Variants in NAALADL2 observed in about 807,000 individuals in gnomAD.
The protein encoded by NAALADL2 is N-acetylated alpha-linked acidic dipeptidase like 2.
NAALADL2 carries 76 observed loss-of-function variants against 87.2 expected under a neutral mutation model. That is an observed-to-expected ratio of 0.87 (90% CI 0.72 to 1.05). NAALADL2 has a LOEUF of 1.05. Ranked by LOEUF, NAALADL2 falls within the 50% of genes least tolerant of loss-of-function variation. The probability of loss-of-function intolerance (pLI) is 0.00; values close to 1 mark genes in which losing one functional copy is unlikely to be tolerated. For synonymous variants in NAALADL2, 354 were observed against 331.0 expected (o/e 1.07, Z -0.75); for missense variants, 1,089 against 945.8 (o/e 1.15, Z -1.99).
intron 3 of NAALADL2, among the ~76,000 whole-genome samples, chr3:174,841,107 T>C (rs1723981221): frequency 6.6e-6 from 1 of 151,928 alleles, no homozygotes; most frequent in African/African-American, 2.4e-5. Context: ...TAAAAAGTAA[T>C]AACAAATCAA....
rs142124283 is a variant in NAALADL2 at position 174,933,763 on chromosome 3, C to A, written c.43+74313C>A. 2.0e-5 allele frequency among the ~76,000 whole-genome samples: 3 copies of A among 152,248 alleles called. No homozygotes were observed. In the East Asian group the frequency reaches 5.8e-4, roughly 29 times the overall value. ...TCGTTTTTAAAGGAAAAGGAACTCC[C>A]AAATTTTATAAACATGTTTGCTCTC... On this transcript the variant is annotated intron_variant, in intron 1 of 13. Coordinates refer to ENST00000454872, the MANE Select transcript of NAALADL2 (RefSeq NM_207015.3).
chr3:174,700,099 A>C (rs1337426397), intron 2 of NAALADL2, among the ~76,000 whole-genome samples: 1 of 146,048 alleles, frequency 6.8e-6, no homozygotes, highest in Non-Finnish European at 1.5e-5. Flanking sequence ...TTATTCTGAA[A>C]GCATTGATCT....
intron 3 of NAALADL2, among the ~76,000 whole-genome samples, chr3:174,809,149 C>G (rs556033435): frequency 6.6e-6 from 1 of 151,900 alleles, no homozygotes; most frequent in East Asian, 1.9e-4. Flanking sequence ...ACTGGGGAAA[C>G]CTTTATTGTA....
At chr3:175,597,960 T>C (rs1722462339) in intron 10 of NAALADL2, among the ~76,000 whole-genome samples, 1 of 152,040 alleles carries the variant, frequency 6.6e-6, no homozygotes, top group South Asian at 2.1e-4. Context: ...ATCTCTATTC[T>C]CTCCCTACAT....
intron 3 of NAALADL2, among the ~76,000 whole-genome samples, chr3:174,805,004 C>T (rs1040406221): frequency 2.6e-5 from 4 of 151,716 alleles, no homozygotes; most frequent in Non-Finnish European, 5.9e-5. Flanking sequence ...TCCTTTTTTT[C>T]CTTTTAAAAT....
chr3:175,138,712 T>G (rs114470524), intron 2 of NAALADL2, among the ~76,000 whole-genome samples: 1 of 148,938 alleles, frequency 6.7e-6, no homozygotes, highest in Admixed American at 6.7e-5. Context: ...TCCTCCCGAA[T>G]AGCTGAGACT....
chr3:174,557,583 GT>G (rs1713001998), intron 2 of NAALADL2, among the ~76,000 whole-genome samples: 1 of 152,044 alleles, frequency 6.6e-6, no homozygotes, highest in African/African-American at 2.4e-5. Context: ...TATGCAACTA[GT>G]TTTTCTTGTT....
chr3:174,828,588 G>A (rs16864898), intron 3 of NAALADL2, among the ~76,000 whole-genome samples: 27,579 of 152,090 alleles, frequency 0.18, 2,794 homozygotes, highest in East Asian at 0.44. Flanking sequence ...ACAAAAACAC[G>A]AGTAAGCCAA....
intron 5 of NAALADL2, among the ~76,000 whole-genome samples, chr3:175,328,666 A>G (rs1184896969): frequency 6.6e-6 from 1 of 152,196 alleles, no homozygotes; most frequent in Non-Finnish European, 1.5e-5. Flanking sequence ...TTGAAGCACA[A>G]GAACCCTGCA....
intron 2 of NAALADL2, among the ~76,000 whole-genome samples, chr3:175,160,360 C>CTTTTTTTTTCTT (rs1732977404): frequency 1.8e-5 from 1 of 57,036 alleles, no homozygotes; most frequent in Non-Finnish European, 3.7e-5. Context: ...TCTTTTCTTT[C>CTTTTTTTTTCTT]TTTTTTTTTT....
intron 9 of NAALADL2, among the ~76,000 whole-genome samples, chr3:175,532,954 C>T (rs185368380): frequency 6.6e-6 from 1 of 152,314 alleles, no homozygotes; most frequent in Admixed American, 6.5e-5. Flanking sequence ...CTAATCCACT[C>T]CATCATCCCA....
chr3:175,665,934 C>T (rs558205262), intron 11 of NAALADL2, among the ~76,000 whole-genome samples: 1 of 151,452 alleles, frequency 6.6e-6, no homozygotes, highest in Non-Finnish European at 1.5e-5. Context: ...TGTCCCCCCC[C>T]CAAAAAAAAG....
intron 1 of NAALADL2, among the ~76,000 whole-genome samples, chr3:174,509,235 C>G (rs1719423359): frequency 6.6e-6 from 1 of 151,806 alleles, no homozygotes; most frequent in African/African-American, 2.4e-5. Flanking sequence ...CAGTATTTCA[C>G]CATATAAAGA....
chr3:175,466,210 T>C (rs1457696543), intron 7 of NAALADL2, among the ~76,000 whole-genome samples: 1 of 152,174 alleles, frequency 6.6e-6, no homozygotes. Flanking sequence ...TGTATGAAGA[T>C]ACTTGCTCAG....
intron 5 of NAALADL2, among the ~76,000 whole-genome samples, chr3:175,369,862 C>T (rs149009829): frequency 6.6e-6 from 1 of 152,230 alleles, no homozygotes; most frequent in East Asian, 1.9e-4. Flanking sequence ...CTGATCTTTC[C>T]ATCTCCATAA....
rs1760412025 is a variant in NAALADL2, at chr3:175,324,338, G to A, written c.1090+13G>A. 3 of 1,606,598 alleles carry A rather than the reference G, an allele frequency of 1.9e-6. No individual in the cohort carries two copies. The highest frequency in any genetic ancestry group is 2.2e-5 in the South Asian group (2 of 89,714). On this transcript the variant is annotated intron_variant, in intron 5 of 13. Coordinates refer to ENST00000454872, the MANE Select transcript of NAALADL2 (RefSeq NM_207015.3). ...TACCCAAGTGTCGGTAAGTTTGTTG[G>A]TCATCATTATTATACTTGTAAGTAA...
chr3:174,667,692 T>G (rs968213139), intron 2 of NAALADL2, among the ~76,000 whole-genome samples: 2 of 151,754 alleles, frequency 1.3e-5, no homozygotes, highest in African/African-American at 2.4e-5. Context: ...TGGGTGAGAG[T>G]TCTGCTCTGG....
At chr3:174,716,362 C>A (rs1272967468) in intron 2 of NAALADL2, among the ~76,000 whole-genome samples, 1 of 151,970 alleles carries the variant, frequency 6.6e-6, no homozygotes, top group Non-Finnish European at 1.5e-5. Flanking sequence ...TTTTGTTTTT[C>A]CACCAAAGAG....
intron 4 of NAALADL2, among the ~76,000 whole-genome samples, chr3:175,277,573 T>C (rs1753761124): frequency 1.3e-5 from 2 of 152,168 alleles, no homozygotes; most frequent in African/African-American, 4.8e-5. Flanking sequence ...ATAACCTTCA[T>C]CCAACAACCA....
Sources: allele counts gnomAD v4.1 joint callset (sites outside exome capture counted in the v4.1 genomes callset), GRCh38; gene constraint gnomAD v4.1.1; transcripts MANE v1.5; gene names NCBI Gene and HGNC (gene_info 2026-07-23, HGNC 2026-07-21).